Variants in KDM2B observed in about 807,000 individuals in gnomAD.
KDM2B encodes lysine-specific demethylase 2B.
A neutral mutation model predicts 150.0 loss-of-function variants in KDM2B; 26 were observed. The ratio of observed to expected loss-of-function variants is 0.17; its 90% CI spans 0.13 to 0.24. The LOEUF (loss-of-function observed/expected upper bound fraction) is 0.24, where lower values mean the gene tolerates loss of function less well. Among genes scored for constraint, KDM2B ranks in the 10% least tolerant of loss-of-function variants. KDM2B has a pLI of 1.00. For missense variants in KDM2B, 1,265 were observed against 1,816.9 expected (o/e 0.70, Z 5.52); for synonymous variants, 734 against 729.5 (o/e 1.01, Z -0.10).
chr12:121,559,352 GA>G (rs1890157911), intron 4 of KDM2B, among the ~76,000 whole-genome samples: 1 of 150,528 alleles, frequency 6.6e-6, no homozygotes, highest in African/African-American at 2.4e-5. Flanking sequence ...GGAGGGGTGG[GA>G]GGGGAAGTGG....
Position 121,442,632 on chromosome 12 carries a change from G to C in KDM2B, c.2809C>G (p.Arg937Gly). Residue 937 changes from arginine to glycine, a missense_variant, in exon 19 of 23, where the codon CGG becomes GGG. Arg to Gly is a moderately radical substitution (Grantham distance 125, BLOSUM62 -2). This residue lies in a region of KDM2B where 418 missense variants were observed against 402.4 expected (regional missense o/e 1.04). Coordinates refer to ENST00000377071, the MANE Select transcript of KDM2B (RefSeq NM_032590.5). The surrounding 1 kb of genome is among the most constrained non-coding windows in gnomAD (Gnocchi z 7.7). The part of the protein sequence containing the change: ...PEEKKKVKMR[R>G]KRRLPNKELS... Reference sequence around the variant, plus strand: ...TCCTTGTTGGGAAGCCGCCGCTTCCGGCGCATCTTCACCTTCTTCTTCTCC... The same window carrying C: ...TCCTTGTTGGGAAGCCGCCGCTTCCCGCGCATCTTCACCTTCTTCTTCTCC... 6.2e-7 allele frequency: 1 copy of C among 1,603,726 alleles called. No individual in the cohort carries two copies. Among genetic ancestry groups the C allele is most frequent in the Non-Finnish European group, 8.5e-7 (1 of 1,178,860 alleles).
chr12:121,546,218 G>A (rs1239613479), intron 6 of KDM2B, among the ~76,000 whole-genome samples: 1 of 152,068 alleles, frequency 6.6e-6, no homozygotes, highest in Non-Finnish European at 1.5e-5. Flanking sequence ...TCAAGACATA[G>A]GCGCTGAATG....
chr12:121,495,929 G>A (rs1166515945), intron 11 of KDM2B, among the ~76,000 whole-genome samples: 2 of 151,808 alleles, frequency 1.3e-5, no homozygotes, highest in African/African-American at 2.4e-5. Flanking sequence ...GATCTCCCAC[G>A]AGGCACACTG....
chr12:121,459,844 A>C (rs2139126957), intron 12 of KDM2B, among the ~76,000 whole-genome samples: 1 of 152,228 alleles, frequency 6.6e-6, no homozygotes, highest in Middle Eastern at 3.4e-3. Flanking sequence ...AAAAAAAAAA[A>C]AAACTTTGGT....
In KDM2B at chr12:121,494,241, A is replaced by G. The variant is rs1176595837; in HGVS notation, c.1734+338T>C. 2.6e-5 allele frequency: 7 copies of G among 268,160 alleles called. No individual in the cohort carries two copies. The South Asian group carries it at 2.6e-4, about 10-fold the overall frequency. The allele number at this position is 268,160 out of a possible 1,614,324, so 16.6% of individuals were successfully genotyped here. The stretch of plus-strand genomic sequence containing the variant: ...CAAAAGAGGAGAAGACAGCCCATGA[A>G]GCAATTAAAGGAAAAGGGAAAAGGA... On this transcript the variant is annotated intron_variant, in intron 12 of 22. Transcript: ENST00000377071.
At chr12:121,458,226 ACTAG>A (rs1555293205) in intron 12 of KDM2B, among the ~76,000 whole-genome samples, 2 of 151,842 alleles carry the variant, frequency 1.3e-5, no homozygotes, top group African/African-American at 4.8e-5. Context: ...AAATAAAAAG[ACTAG>A]CTGAGTGTGC....
intron 4 of KDM2B, among the ~76,000 whole-genome samples, chr12:121,573,734 C>T (rs538988678): frequency 1.6e-4 from 25 of 152,088 alleles, no homozygotes; most frequent in African/African-American, 5.5e-4. Context: ...ACCACAGGCG[C>T]CCGCCACCAC....
intron 9 of KDM2B, among the ~76,000 whole-genome samples, chr12:121,517,707 A>T (rs1208421933): frequency 6.6e-6 from 1 of 151,516 alleles, no homozygotes; most frequent in Non-Finnish European, 1.5e-5. Flanking sequence ...CTGACCTCAG[A>T]TCATCCGCCT....
intron 12 of KDM2B, among the ~76,000 whole-genome samples, chr12:121,483,642 A>C (rs1232160131): frequency 6.6e-6 from 1 of 151,936 alleles, no homozygotes. Context: ...GCACCACCGC[A>C]CTCCAGCCTG....
intron 22 of KDM2B, among the ~76,000 whole-genome samples, chr12:121,437,222 GA>G (rs376918826): frequency 6.6e-6 from 1 of 152,090 alleles, no homozygotes; most frequent in African/African-American, 2.4e-5. Context: ...TGGGGGTGGG[GA>G]GGGGGAGAGC....
At chr12:121,506,393 G>A (rs948172871) in intron 11 of KDM2B, among the ~76,000 whole-genome samples, 1 of 152,038 alleles carries the variant, frequency 6.6e-6, no homozygotes, top group Non-Finnish European at 1.5e-5. Context: ...TGGCACCCAC[G>A]TCCCCCAGGC....
rs782475861 is a variant in KDM2B at position 121,442,143 on chromosome 12, A to C, written c.3284+14T>G. On this transcript the variant is annotated intron_variant, in intron 19 of 22. Coordinates refer to ENST00000377071, the MANE Select transcript of KDM2B (RefSeq NM_032590.5). This position sits in a 1 kb window ranked among gnomAD's most constrained non-coding sequence, Gnocchi z 7.7. ...TGAGCCTTAACCTAGAGCCCTACAC[A>C]GGCCGCCGCTCACCAGCGGTTCCAG... 6.2e-7 allele frequency: 1 copy of C among 1,611,940 alleles called. No homozygotes were observed. Among genetic ancestry groups the C allele is most frequent in the East Asian group, 2.2e-5 (1 of 44,854 alleles).
rs1021841686 is a variant in KDM2B at position 121,452,502 on chromosome 12, G to T, written c.1959+618C>A. On this transcript the variant is annotated intron_variant, in intron 13 of 22. Transcript: ENST00000377071. This position sits in a 1 kb window ranked among gnomAD's most constrained non-coding sequence, Gnocchi z 4.4. The stretch of plus-strand genomic sequence containing the variant: ...TGGGAGATGACTCCTCCACAGGGAG[G>T]ACCGCCGGCCCCCGGGGAGCAGCGC... Among the ~76,000 whole-genome samples the T allele has an allele frequency of 3.9e-5, 6 of 152,230 alleles. No individual in the cohort carries two copies. The highest frequency in any genetic ancestry group is 5.9e-5 in the Non-Finnish European group (4 of 68,034).
chr12:121,580,265 G>T, intron 1 of KDM2B: 1 of 1,224,186 alleles, frequency 8.2e-7, no homozygotes, highest in Non-Finnish European at 1.0e-6. Context: ...GGGGGGGGAG[G>T]CGTCGACGTC....
intron 12 of KDM2B, among the ~76,000 whole-genome samples, chr12:121,485,553 G>A (rs1406221292): frequency 4.0e-5 from 6 of 151,822 alleles, no homozygotes; most frequent in Non-Finnish European, 7.4e-5. Flanking sequence ...TGATGGCCTC[G>A]CCCTCACCAA....
Position 121,568,492 on chromosome 12 carries a change from T to C in KDM2B, c.397+6055A>G, listed in dbSNP as rs1397052687. ...ACAAACAAACAAAATCACACACACA[T>C]ACACACAAAAAAAGAAAAGAAATCT... On this transcript the variant is annotated intron_variant, in intron 4 of 22. Coordinates refer to ENST00000377071, the MANE Select transcript of KDM2B (RefSeq NM_032590.5). 2.0e-5 allele frequency among the ~76,000 whole-genome samples: 3 copies of C among 151,636 alleles called. 1 individual carries two copies. The highest frequency in any genetic ancestry group is 2.1e-4 in the South Asian group (1 of 4,808).
intron 8 of KDM2B, among the ~76,000 whole-genome samples, chr12:121,529,575 G>A (rs1383807948): frequency 1.3e-5 from 2 of 152,112 alleles, no homozygotes; most frequent in Non-Finnish European, 2.9e-5. Context: ...ATGTGTGTCT[G>A]TACGTGGCTC....
chr12:121,453,376 G>C lies in KDM2B; in HGVS notation c.1735-32C>G, dbSNP rs549548906. On this transcript the variant is annotated intron_variant, in intron 12 of 22. Coordinates refer to ENST00000377071, the MANE Select transcript of KDM2B (RefSeq NM_032590.5). The surrounding 1 kb of genome is among the most constrained non-coding windows in gnomAD (Gnocchi z 6.4). ...GGGAACAGACACGACTGGTCAGATG[G>C]GGAGACTGCAGGCACGGCCAGACCC... The C allele has an allele frequency of 6.6e-6, 10 of 1,514,812 alleles. No individual in the cohort carries two copies. In the African/African-American group the frequency reaches 8.3e-5, roughly 13 times the overall value. 93.8% of individuals were successfully genotyped at this position (1,514,812 alleles called of 1,614,324 possible). A position where few individuals can be genotyped will look rare whatever the true frequency, so the allele number is the denominator to read the frequency against.
intron 12 of KDM2B, among the ~76,000 whole-genome samples, chr12:121,471,770 T>C (rs61953497): frequency 0.37 from 55,458 of 151,898 alleles, 10,583 homozygotes; most frequent in East Asian, 0.44. Flanking sequence ...AGAAACAGAA[T>C]GGATCCTTTT....
Sources: allele counts gnomAD v4.1 joint callset (sites outside exome capture counted in the v4.1 genomes callset), GRCh38; gene constraint gnomAD v4.1.1; regional missense constraint gnomAD v4.1.1; non-coding constraint Gnocchi (gnomAD v3.1); transcripts MANE v1.5; gene names NCBI Gene and HGNC (gene_info 2026-07-23, HGNC 2026-07-21).